DYSF: variants seen among roughly 807,000 people sequenced by gnomAD.
DYSF encodes dysferlin, also known as dystrophy-associated fer-1-like 1.
DYSF carries 212 observed loss-of-function variants against 274.9 expected under a neutral mutation model. The observed-to-expected ratio is 0.77, with a 90% CI of 0.69 to 0.86. The LOEUF is 0.86. Among genes scored for constraint, DYSF ranks in the 40% least tolerant of loss-of-function variants. The pLI, the probability that DYSF is intolerant of heterozygous loss-of-function variation, is 0.00. For missense variants in DYSF, 2,666 were observed against 2,783.2 expected (o/e 0.96, Z 0.95); for synonymous variants, 1,091 against 1,078.7 (o/e 1.01, Z -0.22).
chr2:71,608,788 A>C (rs1284073561), intron 36 of DYSF, among the ~76,000 whole-genome samples: 2 of 152,190 alleles, frequency 1.3e-5, no homozygotes, highest in African/African-American at 4.8e-5. Context: ...GATACTGCCC[A>C]GCGTTTGGGG....
At chr2:71,603,483 T>C (rs1037895805) in intron 36 of DYSF, among the ~76,000 whole-genome samples, 5 of 152,014 alleles carry the variant, frequency 3.3e-5, no homozygotes, top group Non-Finnish European at 5.9e-5. Flanking sequence ...AGATGAGGCG[T>C]TGGGAAAAGG....
chr2:71,503,747 A>G (rs963978238), intron 4 of DYSF, among the ~76,000 whole-genome samples: 1 of 152,056 alleles, frequency 6.6e-6, no homozygotes, highest in African/African-American at 2.4e-5. Context: ...ATGGAGGGAA[A>G]GAGCCCTCTC....
At chr2:71,558,300 G>A (rs899717315) in intron 22 of DYSF, among the ~76,000 whole-genome samples, 5 of 152,254 alleles carry the variant, frequency 3.3e-5, no homozygotes, top group South Asian at 2.1e-4. Context: ...GGGGAGGTGA[G>A]GCATTCAGGA....
intron 42 of DYSF, 152 bp from the exon 43 acceptor site, chr2:71,656,010 C>G (rs529168590): frequency 6.0e-5 from 64 of 1,058,784 alleles, no homozygotes; most frequent in South Asian, 4.8e-4. Context: ...TTTTTGGTCA[C>G]TTTCCCTCCT....
intron 30 of DYSF, among the ~76,000 whole-genome samples, chr2:71,582,434 C>G (rs143161011): frequency 6.6e-6 from 1 of 152,080 alleles, no homozygotes; most frequent in African/African-American, 2.4e-5. Context: ...CTGAGGTAAC[C>G]GAGAAGCCAA....
intron 4 of DYSF, among the ~76,000 whole-genome samples, chr2:71,510,452 G>A (rs561199977): frequency 6.6e-6 from 1 of 152,286 alleles, no homozygotes; most frequent in East Asian, 1.9e-4. Context: ...CTTGGGTGAG[G>A]GAATTCAAGG....
At chr2:71,474,680 AG>A (rs1472152330) in intron 1 of DYSF, among the ~76,000 whole-genome samples, 1 of 152,168 alleles carries the variant, frequency 6.6e-6, no homozygotes, top group Non-Finnish European at 1.5e-5. Context: ...CATGTTACCC[AG>A]AGGGTCCCAG....
chr2:71,463,833 A>G (rs935757869), upstream of DYSF, among the ~76,000 whole-genome samples: 5 of 152,234 alleles, frequency 3.3e-5, no homozygotes, highest in East Asian at 9.6e-4. Flanking sequence ...AAATATGCTC[A>G]GATAGAGTGG....
chr2:71,653,189 G>A (rs1020523794), intron 42 of DYSF, among the ~76,000 whole-genome samples: 1 of 152,152 alleles, frequency 6.6e-6, no homozygotes, highest in Non-Finnish European at 1.5e-5. Flanking sequence ...TGGAGAAATA[G>A]GAACACTTTT....
chr2:71,482,039 C>A (rs888853795), intron 3 of DYSF, 69 bp downstream of exon 3: 20 of 1,294,802 alleles, frequency 1.5e-5, no homozygotes, highest in Non-Finnish European at 2.1e-5. Flanking sequence ...ATACAGACTG[C>A]AGAATCCCAG....
At position 71,520,181 on chromosome 2, in the gene DYSF, G is replaced by A. The variant is rs1362393280; in HGVS notation, c.1006G>A (p.Asp336Asn). The change falls in exon 11 of 56, where the codon GAC becomes AAC. Residue 336 changes from aspartate to asparagine, a missense_variant. By Grantham distance (23) the Asp-to-Asn change is conservative (BLOSUM62 1). This residue lies in a region of DYSF where 794 missense variants were observed against 777.1 expected (regional missense o/e 1.02). Coordinates refer to ENST00000410020, the MANE Select transcript of DYSF (RefSeq NM_001130987.2). The stretch of plus-strand genomic sequence containing the variant: ...TGTCTCCTCTCATTGATTGCAGATG[G>A]ACGTGGGCACCATTTACAGAGAGCC... The part of the protein sequence containing the change: ...TDALLGEFRM[D>N]VGTIYREPRH... The A allele has an allele frequency of 2.5e-6, 4 of 1,614,082 alleles. No homozygotes were observed. The African/African-American group carries it at 5.3e-5, about 22-fold the overall frequency.
intron 4 of DYSF, among the ~76,000 whole-genome samples, chr2:71,504,384 A>G (rs1439078948): frequency 1.3e-5 from 2 of 152,092 alleles, no homozygotes; most frequent in African/African-American, 2.4e-5. Flanking sequence ...TTCCCAGGAA[A>G]GTCCATCTGT....
chr2:71,571,408 GCA>G (rs1372860901), intron 29 of DYSF, among the ~76,000 whole-genome samples: 1 of 110,156 alleles, frequency 9.1e-6, no homozygotes, highest in Non-Finnish European at 1.8e-5. Context: ...ATCACACCCA[GCA>G]CACACAGATC....
intron 3 of DYSF, among the ~76,000 whole-genome samples, chr2:71,500,597 C>T (rs560863759): frequency 1.3e-5 from 2 of 152,244 alleles, no homozygotes; most frequent in South Asian, 4.1e-4. Context: ...TGTTCCCTGA[C>T]CCACTTCCGG....
rs1559045872 is a variant in DYSF, at chr2:71,513,259, C to CG, written c.481dup (p.Glu161GlyfsTer8). ...AGACAGGCGGGGGACAGAGCCGGGCCGAGACTTGGTCCCTGCTCAGTGACA... is the reference window on the plus strand; with the variant it reads ...AGACAGGCGGGGGACAGAGCCGGGCCGGAGACTTGGTCCCTGCTCAGTGACA... On this transcript the variant is annotated frameshift_variant, in exon 6 of 56. Coordinates refer to ENST00000410020, the MANE Select transcript of DYSF (RefSeq NM_001130987.2). LOFTEE classifies it high-confidence loss of function. 7.7e-6 allele frequency: 12 copies of CG among 1,551,566 alleles called. No individual in the cohort carries two copies. The South Asian group carries it at 1.4e-4, about 18-fold the overall frequency.
Position 71,679,188 on chromosome 2 carries a change from G to A in DYSF, c.6016G>A (p.Gly2006Ser). 1 of 1,614,064 alleles carries A rather than the reference G, an allele frequency of 6.2e-7. No homozygotes were observed. Among genetic ancestry groups the A allele is most frequent in the Non-Finnish European group, 8.5e-7 (1 of 1,179,966 alleles). The change falls in exon 53 of 56, where the codon GGC becomes AGC. Residue 2006 changes from glycine (G) to serine (S), a missense_variant. Coordinates refer to ENST00000410020, the MANE Select transcript of DYSF (RefSeq NM_001130987.2). ...CCTTTTTGAGCAGAAAACAGTGAAG[G>A]GCTGGTGGCCCTGTGTAGCAGAAGA... is the stretch of plus-strand genomic sequence containing the variant. ...VSLFEQKTVK[G>S]WWPCVAEEGE...
At chr2:71,454,126 G>T in intron 1 of DYSF, 1 of 1,587,118 alleles carries the variant, frequency 6.3e-7, no homozygotes, top group East Asian at 2.3e-5. Flanking sequence ...GTCGGGGTGG[G>T]GTAGAGGAGG....
intron 28 of DYSF, 40 bp from the exon 29 acceptor site, chr2:71,570,559 G>A (rs1163105670): frequency 1.2e-6 from 2 of 1,609,520 alleles, no homozygotes; most frequent in Middle Eastern, 1.7e-4. Context: ...GAGATGGGGG[G>A]AACTGCCAAG....
At chr2:71,574,427 G>A in intron 30 of DYSF, 56 bp downstream of exon 30, 1 of 1,585,704 alleles carries the variant, frequency 6.3e-7, no homozygotes, top group Non-Finnish European at 8.6e-7. Context: ...GTTTCCCAGG[G>A]CTGTTCGGGC....
Sources: allele counts gnomAD v4.1 joint callset (sites outside exome capture counted in the v4.1 genomes callset), GRCh38; gene constraint gnomAD v4.1.1; regional missense constraint gnomAD v4.1.1; transcripts MANE v1.5; gene names NCBI Gene and HGNC (gene_info 2026-07-23, HGNC 2026-07-21).